Variants in PLD5 observed in about 807,000 individuals in gnomAD.
PLD5 encodes phospholipase D family member 5, also known as inactive phospholipase D5.
A neutral mutation model predicts 61.1 loss-of-function variants in PLD5; 36 were observed. That is an observed-to-expected ratio of 0.59 (90% CI 0.45 to 0.78). The LOEUF is 0.78. Among genes scored for constraint, PLD5 ranks in the 30% least tolerant of loss-of-function variants. The pLI, the probability that PLD5 is intolerant of heterozygous loss-of-function variation, is 0.00. For synonymous variants in PLD5, 243 were observed against 242.8 expected (o/e 1.00, Z -0.01); for missense variants, 515 against 644.4 (o/e 0.80, Z 2.17).
chr1:242,468,275 T>C (rs963111450), intron 1 of PLD5, among the ~76,000 whole-genome samples: 4 of 152,192 alleles, frequency 2.6e-5, no homozygotes, highest in African/African-American at 7.2e-5. Context: ...TGGATAATCT[T>C]TCCAATATGA....
chr1:242,240,878 C>T (rs535558893), intron 4 of PLD5, among the ~76,000 whole-genome samples: 1 of 152,170 alleles, frequency 6.6e-6, no homozygotes, highest in South Asian at 2.1e-4. Flanking sequence ...ACCTCATGGA[C>T]TCTATAAAGT....
At chr1:242,179,357 C>T (rs1667371551) in intron 5 of PLD5, among the ~76,000 whole-genome samples, 2 of 152,128 alleles carry the variant, frequency 1.3e-5, no homozygotes, top group South Asian at 4.1e-4. Context: ...AAAATAAATT[C>T]CAAAAGCTCT....
rs375843336 is a variant in PLD5 at position 242,289,265 on chromosome 1, T to C, written c.327-735A>G. On this transcript the variant is annotated intron_variant, in intron 2 of 9. Coordinates refer to ENST00000536534, the MANE Select transcript of PLD5 (RefSeq NM_001372062.1). ...TCCTTGGCTGCCTTTTTTTCACTTC[T>C]GAATTAGGTGACAGATAACTTCTGA... 3.3e-5 allele frequency among the ~76,000 whole-genome samples: 5 copies of C among 152,354 alleles called. No homozygotes were observed. The East Asian group carries it at 9.6e-4, about 29-fold the overall frequency.
At chr1:242,491,866 T>C (rs1042327764) in intron 1 of PLD5, among the ~76,000 whole-genome samples, 12 of 152,232 alleles carry the variant, frequency 7.9e-5, no homozygotes, top group African/African-American at 2.9e-4. Context: ...TTCTTAACAT[T>C]TGGCTCATTT....
intron 1 of PLD5, among the ~76,000 whole-genome samples, chr1:242,474,497 G>C (rs1214187432): frequency 1.3e-5 from 2 of 152,130 alleles, no homozygotes; most frequent in Non-Finnish European, 2.9e-5. Context: ...TTTTAATTGA[G>C]CTGCTCATTA....
chr1:242,186,519 TAAAA>T (rs34266843), intron 5 of PLD5, among the ~76,000 whole-genome samples: 3 of 151,840 alleles, frequency 2.0e-5, no homozygotes, highest in African/African-American at 7.3e-5. Flanking sequence ...AAAGTTTCTT[TAAAA>T]AAAGGTATAG....
chr1:242,315,965 C>T (rs1676980390), intron 2 of PLD5, among the ~76,000 whole-genome samples: 1 of 152,136 alleles, frequency 6.6e-6, no homozygotes, highest in African/African-American at 2.4e-5. Context: ...TGGCTTGGGT[C>T]CTGAAGTCAA....
At chr1:242,250,309 C>T (rs1009841290) in intron 4 of PLD5, among the ~76,000 whole-genome samples, 11 of 152,176 alleles carry the variant, frequency 7.2e-5, no homozygotes, top group African/African-American at 2.7e-4. Flanking sequence ...GTCAAGTCTC[C>T]ATCTTGCCCT....
chr1:242,449,469 A>C, intron 1 of PLD5: 1 of 1,533,618 alleles, frequency 6.5e-7, no homozygotes, highest in Non-Finnish European at 8.7e-7. Context: ...TTCATGTGGC[A>C]CAAACGTATC....
chr1:242,260,868 T>C (rs927010456), intron 4 of PLD5, among the ~76,000 whole-genome samples: 38 of 152,202 alleles, frequency 2.5e-4, no homozygotes, highest in African/African-American at 9.2e-4. Flanking sequence ...TAGAAATTTA[T>C]GTCATATTAA....
At chr1:242,335,921 T>G (rs1009723556) in intron 2 of PLD5, among the ~76,000 whole-genome samples, 1 of 152,174 alleles carries the variant, frequency 6.6e-6, no homozygotes, top group African/African-American at 2.4e-5. Context: ...GTGATGTTAT[T>G]TATTTTGTTA....
chr1:242,094,681 AGAAAG>A (rs1660088176), intron 9 of PLD5, among the ~76,000 whole-genome samples: 1 of 152,180 alleles, frequency 6.6e-6, no homozygotes, highest in Admixed American at 6.5e-5. Context: ...AGAGGGAAGA[AGAAAG>A]GAGAGAGCCA....
At chr1:242,319,726 C>T (rs538304141) in intron 2 of PLD5, among the ~76,000 whole-genome samples, 1 of 152,338 alleles carries the variant, frequency 6.6e-6, no homozygotes, top group African/African-American at 2.4e-5. Flanking sequence ...CATCTCTCCA[C>T]TCACCCGAGA....
At chr1:242,169,731 C>A (rs1227553765) in intron 5 of PLD5, among the ~76,000 whole-genome samples, 1 of 152,184 alleles carries the variant, frequency 6.6e-6, no homozygotes, top group African/African-American at 2.4e-5. Flanking sequence ...ACCTGGGATA[C>A]TCCAGCTTCG....
chr1:242,324,171 A>G (rs1157475098), intron 2 of PLD5, among the ~76,000 whole-genome samples: 1 of 152,082 alleles, frequency 6.6e-6, no homozygotes, highest in African/African-American at 2.4e-5. Flanking sequence ...ACCCTTCACC[A>G]CTACTTTCAG....
intron 1 of PLD5, among the ~76,000 whole-genome samples, chr1:242,453,705 T>C (rs1004150476): frequency 3.9e-5 from 6 of 152,092 alleles, no homozygotes; most frequent in Non-Finnish European, 7.4e-5. Flanking sequence ...CCCTTTAGGA[T>C]AGAATTTAGA....
At chr1:242,110,927 G>A (rs1661435783) in intron 7 of PLD5, among the ~76,000 whole-genome samples, 1 of 152,104 alleles carries the variant, frequency 6.6e-6, no homozygotes, top group Non-Finnish European at 1.5e-5. Flanking sequence ...TAATTTCCTT[G>A]TGAAAGATAT....
intron 1 of PLD5, among the ~76,000 whole-genome samples, chr1:242,516,593 C>T (rs148974592): frequency 2.6e-5 from 4 of 152,218 alleles, no homozygotes; most frequent in African/African-American, 7.2e-5. Flanking sequence ...TATCTCTTTC[C>T]CACTGCATTA....
intron 5 of PLD5, among the ~76,000 whole-genome samples, chr1:242,208,486 A>G (rs1255008054): frequency 6.6e-6 from 1 of 152,180 alleles, no homozygotes; most frequent in Non-Finnish European, 1.5e-5. Context: ...TTCTCAGGTA[A>G]TGACCATAAC....
Sources: gnomAD v4.1 joint callset for allele counts (sites outside exome capture counted in the v4.1 genomes callset) on GRCh38, gnomAD v4.1.1 for gene constraint, MANE v1.5 for transcripts, NCBI Gene and HGNC (gene_info 2026-07-23, HGNC 2026-07-21) for gene names.